KIAA0586: variants seen among roughly 807,000 people sequenced by gnomAD.
KIAA0586 encodes the protein KIAA0586, also known as protein TALPID3.
Under a neutral mutation model 169.8 loss-of-function variants are expected in KIAA0586, and 144 were observed. That is an observed-to-expected ratio of 0.85 (90% confidence interval 0.74 to 0.97). KIAA0586 has a LOEUF of 0.97. KIAA0586 is among the 50% of genes least tolerant of loss of function. KIAA0586 has a pLI of 0.00. For missense variants in KIAA0586, 1,854 were observed against 1,823.0 expected, an observed-to-expected ratio of 1.02 and a Z score of -0.31; for synonymous variants, 625 against 612.4, an observed-to-expected ratio of 1.02 and a Z score of -0.30.
intron 27 of KIAA0586, among the ~76,000 whole-genome samples, chr14:58,501,262 A>G (rs1365622878): frequency 1.3e-5 from 2 of 152,224 alleles, no homozygotes; most frequent in South Asian, 2.1e-4. Context: ...GAATAAATGT[A>G]AAGATTGGCC....
At position 58,468,875 on chromosome 14, in the gene KIAA0586, C is replaced by T. The variant is rs547424146; in HGVS notation, c.2442+953C>T. The stretch of plus-strand genomic sequence containing the variant: ...GTCCTTAGACTGCTCCAAGGTTCCT[C>T]TTTTGATTGAGCCAGGACAAATGAG... On this transcript the variant is annotated intron_variant, in intron 16 of 30. Coordinates refer to ENST00000652326, the MANE Select transcript of KIAA0586 (RefSeq NM_001329943.3). 3.5e-4 allele frequency among the ~76,000 whole-genome samples: 53 copies of T among 152,336 alleles called. No individual in the cohort carries two copies. The South Asian group carries it at 0.011, about 32-fold the overall frequency.
intron 28 of KIAA0586, among the ~76,000 whole-genome samples, chr14:58,510,007 G>T (rs1160606673): frequency 6.6e-6 from 1 of 152,102 alleles, no homozygotes; most frequent in East Asian, 1.9e-4. Flanking sequence ...CAATCCAGTT[G>T]AAAAATGAAC....
intron 27 of KIAA0586, among the ~76,000 whole-genome samples, chr14:58,506,877 T>G (rs1203746048): frequency 9.8e-6 from 1 of 101,760 alleles, no homozygotes; most frequent in Non-Finnish European, 2.0e-5. Context: ...TGCAGTGCAG[T>G]GGCTCATGCC....
At chr14:58,526,943 G>A (rs2045626901) in intron 29 of KIAA0586, among the ~76,000 whole-genome samples, 1 of 151,994 alleles carries the variant, frequency 6.6e-6, no homozygotes. Flanking sequence ...AATAAAGGAA[G>A]CTAAGAACCT....
intron 21 of KIAA0586, among the ~76,000 whole-genome samples, chr14:58,484,908 A>ATATATTTT (rs1555391525): frequency 3.8e-5 from 1 of 26,386 alleles, no homozygotes; most frequent in African/African-American, 1.3e-4. Flanking sequence ...ATATATATAT[A>ATATATTTT]TATATATATA....
At chr14:58,442,677 A>G (rs751307290) in intron 4 of KIAA0586, 29 bp from the exon 5 acceptor site, 69 of 1,441,696 alleles carry the variant, frequency 4.8e-5, no homozygotes, top group Middle Eastern at 1.8e-4. Flanking sequence ...AGTTTACTGA[A>G]TACATTTTTA....
chr14:58,432,529 T>C, intron 4 of KIAA0586, 72 bp downstream of exon 4: 1 of 800,192 alleles, frequency 1.2e-6, no homozygotes, highest in Admixed American at 2.9e-5. Flanking sequence ...TTTGGACATA[T>C]GAAAAACCTT....
intron 27 of KIAA0586, among the ~76,000 whole-genome samples, chr14:58,501,054 A>T (rs547642708): frequency 6.6e-6 from 1 of 152,392 alleles, no homozygotes; most frequent in Admixed American, 6.5e-5. Flanking sequence ...ATTTACAAAT[A>T]AATGAGGATC....
At chr14:58,467,966 T>A (rs946372196) in intron 16 of KIAA0586, 44 bp downstream of exon 16, 1 of 1,418,872 alleles carries the variant, frequency 7.0e-7, no homozygotes, top group Non-Finnish European at 9.5e-7. Context: ...GAAGAAAAAA[T>A]TTTTTTGCTT....
the KIAA0586 span, among the ~76,000 whole-genome samples, chr14:58,560,451 C>G: frequency 6.6e-6 from 1 of 152,272 alleles, no homozygotes; most frequent in Non-Finnish European, 1.5e-5. Flanking sequence ...CATTTTGACA[C>G]TGATATATGA....
At chr14:58,521,444 C>T in intron 29 of KIAA0586, 1 of 770,488 alleles carries the variant, frequency 1.3e-6, no homozygotes, top group Non-Finnish European at 2.3e-6. Context: ...TACAGCTCCT[C>T]TTTTGACTTG....
chr14:58,427,886 C>A lies in KIAA0586; in HGVS notation c.-379C>A, dbSNP rs992071032. On this transcript the variant is annotated 5_prime_UTR_variant, in exon 1 of 31. Coordinates refer to ENST00000652326, the MANE Select transcript of KIAA0586 (RefSeq NM_001329943.3). Reference sequence around the variant, plus strand: ...GGTCATTATTTTAAAAATAGCATTTCGCTTTTATTTGCTTGACTGCCTCTT... The same window carrying A: ...GGTCATTATTTTAAAAATAGCATTTAGCTTTTATTTGCTTGACTGCCTCTT... The A allele has an allele frequency of 5.1e-6, 7 of 1,369,322 alleles. No individual in the cohort carries two copies. In the African/African-American group the frequency reaches 1.0e-4, roughly 20 times the overall value. 84.8% of individuals were successfully genotyped at this position (1,369,322 alleles called of 1,614,324 possible). A position where few individuals can be genotyped will look rare whatever the true frequency, so the allele number is the denominator to read the frequency against.
intron 29 of KIAA0586, among the ~76,000 whole-genome samples, chr14:58,534,649 T>C (rs2046174786): frequency 6.6e-6 from 1 of 152,150 alleles, no homozygotes; most frequent in African/African-American, 2.4e-5. Context: ...CACTGGTATT[T>C]CAAGGTTTTA....
intron 30 of KIAA0586, among the ~76,000 whole-genome samples, chr14:58,542,972 A>T (rs1050172221): frequency 2.3e-4 from 35 of 151,486 alleles, no homozygotes; most frequent in Non-Finnish European, 8.8e-5. Flanking sequence ...TACTAAAAAT[A>T]CAAAAATTAG....
chr14:58,476,451 G>A (rs1323082535), intron 19 of KIAA0586, among the ~76,000 whole-genome samples: 2 of 152,024 alleles, frequency 1.3e-5, no homozygotes, highest in African/African-American at 4.8e-5. Flanking sequence ...ATCTTTTCTA[G>A]CTCTGATCTG....
At chr14:58,470,317 T>C (rs1209575020) in intron 16 of KIAA0586, among the ~76,000 whole-genome samples, 1 of 152,134 alleles carries the variant, frequency 6.6e-6, no homozygotes, top group Non-Finnish European at 1.5e-5. Flanking sequence ...TGAAAACTAT[T>C]TTAAATTTTA....
chr14:58,545,426 A>T (rs980876732), intron 30 of KIAA0586, among the ~76,000 whole-genome samples: 1 of 152,244 alleles, frequency 6.6e-6, no homozygotes, highest in African/African-American at 2.4e-5. Flanking sequence ...GAAGGTATAT[A>T]CAAAGTGGTT....
chr14:58,448,089 G>T (rs1025126404), intron 6 of KIAA0586, among the ~76,000 whole-genome samples: 1 of 152,186 alleles, frequency 6.6e-6, no homozygotes, highest in African/African-American at 2.4e-5. Context: ...CAGCACTGAG[G>T]TTTAGAATGG....
chr14:58,436,842 G>A (rs1366354739), intron 4 of KIAA0586, among the ~76,000 whole-genome samples: 1 of 152,192 alleles, frequency 6.6e-6, no homozygotes. Flanking sequence ...AAGCCTTAGA[G>A]GAATGAAGAA....
Sources: gnomAD v4.1 joint callset for allele counts (sites outside exome capture counted in the v4.1 genomes callset) on GRCh38, gnomAD v4.1.1 for gene constraint, MANE v1.5 for transcripts, NCBI Gene and HGNC (gene_info 2026-07-23, HGNC 2026-07-21) for gene names.